The following RAPGEF1 variants were observed in gnomAD, a reference collection of about 807,000 sequenced individuals.
RAPGEF1 encodes CRK SH3-binding GNRP.
A neutral mutation model predicts 143.3 loss-of-function variants in RAPGEF1; 33 were observed. The observed-to-expected ratio is 0.23, with a 90% confidence interval of 0.17 to 0.31. The LOEUF is 0.31. RAPGEF1 is among the 10% of genes least tolerant of loss of function. The pLI, the probability that RAPGEF1 is intolerant of heterozygous loss-of-function variation, is 1.00. For missense variants in RAPGEF1, 1,199 were observed against 1,645.4 expected, an observed-to-expected ratio of 0.73 and a Z score of 4.69; for synonymous variants, 629 against 676.5, an observed-to-expected ratio of 0.93 and a Z score of 1.09.
At chr9:131,703,685 C>T (rs1589055550) in intron 1 of RAPGEF1, among the ~76,000 whole-genome samples, 1 of 152,178 alleles carries the variant, frequency 6.6e-6, no homozygotes, top group South Asian at 2.1e-4. Context: ...AAATTCAACA[C>T]CATAAAAAGC....
chr9:131,625,232 G>A (rs1174482031), intron 10 of RAPGEF1, among the ~76,000 whole-genome samples: 1 of 152,230 alleles, frequency 6.6e-6, no homozygotes, highest in Non-Finnish European at 1.5e-5. Context: ...AGAGGGCGGG[G>A]ACAGAGGGGG....
At chr9:131,730,685 G>A (rs1464764308) in intron 1 of RAPGEF1, among the ~76,000 whole-genome samples, 9 of 83,038 alleles carry the variant, frequency 1.1e-4, no homozygotes, top group African/African-American at 1.4e-4. Flanking sequence ...ACAGCAGAGT[G>A]AGACTCCATC....
intron 15 of RAPGEF1, among the ~76,000 whole-genome samples, chr9:131,600,538 C>T (rs1956098787): frequency 6.6e-6 from 1 of 152,082 alleles, no homozygotes; most frequent in African/African-American, 2.4e-5. Flanking sequence ...TCAACAGGTC[C>T]CTATGCAATG....
At chr9:131,665,422 C>A (rs979280480) in intron 1 of RAPGEF1, among the ~76,000 whole-genome samples, 1 of 152,148 alleles carries the variant, frequency 6.6e-6, no homozygotes. Flanking sequence ...ACCTGCACCA[C>A]GGTCAGCCTG....
intron 22 of RAPGEF1, among the ~76,000 whole-genome samples, chr9:131,586,256 A>AC (rs1491309789): frequency 7.5e-4 from 70 of 93,180 alleles, no homozygotes; most frequent in South Asian, 1.2e-3. Flanking sequence ...ACTCTGTCTC[A>AC]AACACACACA....
At chr9:131,662,550 TG>T (rs1208442397) in intron 1 of RAPGEF1, among the ~76,000 whole-genome samples, 2 of 150,426 alleles carry the variant, frequency 1.3e-5, no homozygotes, top group African/African-American at 4.9e-5. Context: ...TGTTTTATTT[TG>T]TTTTTTTTTT....
intron 10 of RAPGEF1, among the ~76,000 whole-genome samples, chr9:131,622,591 G>C (rs751016587): frequency 3.3e-5 from 5 of 152,128 alleles, no homozygotes; most frequent in Non-Finnish European, 7.3e-5. Flanking sequence ...GTCACTGAAG[G>C]AAAGTGTTCA....
chr9:131,705,466 G>C (rs556867356), intron 1 of RAPGEF1, among the ~76,000 whole-genome samples: 1 of 152,300 alleles, frequency 6.6e-6, no homozygotes, highest in East Asian at 1.9e-4. Context: ...TTTGGCCTTA[G>C]AAAATGCATC....
chr9:131,687,017 T>C (rs959910239), intron 1 of RAPGEF1, among the ~76,000 whole-genome samples: 1 of 152,068 alleles, frequency 6.6e-6, no homozygotes, highest in African/African-American at 2.4e-5. Flanking sequence ...AAATTACCAA[T>C]AGGATCCGTT....
intron 1 of RAPGEF1, among the ~76,000 whole-genome samples, chr9:131,699,821 C>G (rs1284570641): frequency 3.9e-5 from 6 of 152,208 alleles, no homozygotes. Flanking sequence ...GCTTTGGCCC[C>G]TGCTCTTCTC....
chr9:131,694,246 C>T (rs1477320526), intron 1 of RAPGEF1, among the ~76,000 whole-genome samples: 2 of 152,134 alleles, frequency 1.3e-5, no homozygotes, highest in Non-Finnish European at 2.9e-5. Flanking sequence ...GGAATTCTGC[C>T]TTTTTCAGTC....
chr9:131,584,318 G>A lies in RAPGEF1; in HGVS notation c.3407C>T (p.Thr1136Ile), dbSNP rs754822064. The A allele has an allele frequency of 6.2e-7, 1 of 1,611,208 alleles. No homozygotes were observed. Among genetic ancestry groups the A allele is most frequent in the Admixed American group, 1.7e-5 (1 of 59,618 alleles). ...CGCCCCAAGGCCACTCACCTCTGAA[G>A]TCTGCTTCTGCCACTCCAGCCTGCG... ...PIRRLEWQKQ[T>I]SEGLAEYCTL... is the part of the protein sequence containing the mutation. Residue 1136 changes from threonine to isoleucine, a missense_variant, in exon 24 of 27, where the codon ACT becomes ATT. Physicochemically the swap from Thr to Ile is moderately conservative, Grantham distance 89. Around this residue, in one of 6 missense-constraint regions of RAPGEF1, gnomAD observed 209 missense variants for 403.0 expected, o/e 0.52. Transcript: ENST00000683357. This position sits in a 1 kb window ranked among gnomAD's most constrained non-coding sequence, Gnocchi z 6.8.
chr9:131,620,457 C>T (rs1346716410), intron 11 of RAPGEF1, among the ~76,000 whole-genome samples: 1 of 152,180 alleles, frequency 6.6e-6, no homozygotes, highest in Non-Finnish European at 1.5e-5. Flanking sequence ...CTAAATGAGG[C>T]ATTTATGTTT....
In RAPGEF1 at chr9:131,681,687, C is replaced by A. The variant is rs545333723; in HGVS notation, c.62-30738G>T. ...GCCCAACCTCGAATTAATATAACTG[C>A]GCACCAGCTTTTGGGGGTCGGCGGC... On this transcript the variant is annotated intron_variant, in intron 1 of 26. Coordinates refer to ENST00000683357, the MANE Select transcript of RAPGEF1 (RefSeq NM_001377935.1). Among the ~76,000 whole-genome samples the A allele has an allele frequency of 4.6e-5, 7 of 152,304 alleles. No homozygotes were observed. In the East Asian group the frequency reaches 1.4e-3, roughly 29 times the overall value.
intron 17 of RAPGEF1, 56 bp from the exon 18 acceptor site, chr9:131,592,239 G>T: frequency 1.4e-6 from 2 of 1,408,962 alleles, no homozygotes; most frequent in Non-Finnish European, 2.0e-6. Flanking sequence ...CTGGGGGGTG[G>T]TAGCCAGGGT....
chr9:131,599,283 C>T (rs1007767590), intron 15 of RAPGEF1, among the ~76,000 whole-genome samples: 1 of 151,922 alleles, frequency 6.6e-6, no homozygotes, highest in African/African-American at 2.4e-5. Flanking sequence ...AGCCACCATG[C>T]CTGGATAATT....
chr9:131,700,900 C>T (rs948773346), intron 1 of RAPGEF1, among the ~76,000 whole-genome samples: 4 of 152,116 alleles, frequency 2.6e-5, no homozygotes, highest in Admixed American at 6.5e-5. Flanking sequence ...CACTTTAAAT[C>T]GTTTTATGGG....
Position 131,650,749 on chromosome 9 carries a change from C to A in RAPGEF1, c.201+61G>T. On this transcript the variant is annotated intron_variant, in intron 2 of 26. Transcript: ENST00000683357. This position sits in a 1 kb window ranked among gnomAD's most constrained non-coding sequence, Gnocchi z 4.7. ...ATCCCCAGGGAGGGAACATACAAAT[C>A]GCACAAACTCATATTGCTGGAAGCA... 6.3e-7 allele frequency: 1 copy of A among 1,582,622 alleles called. No individual in the cohort carries two copies. The highest frequency in any genetic ancestry group is 8.6e-7 in the Non-Finnish European group (1 of 1,164,046).
intron 1 of RAPGEF1, among the ~76,000 whole-genome samples, chr9:131,717,723 C>T (rs1035194011): frequency 5.0e-5 from 7 of 140,706 alleles, no homozygotes; most frequent in African/African-American, 1.6e-4. Flanking sequence ...GCCAAGACTG[C>T]ACCACTGCAC....
Sources: allele counts gnomAD v4.1 joint callset (sites outside exome capture counted in the v4.1 genomes callset), GRCh38; gene constraint gnomAD v4.1.1; regional missense constraint gnomAD v4.1.1; non-coding constraint Gnocchi (gnomAD v3.1); transcripts MANE v1.5; gene names NCBI Gene and HGNC (gene_info 2026-07-23, HGNC 2026-07-21).